TMEM120A: variants seen among roughly 807,000 people sequenced by gnomAD.
The protein encoded by TMEM120A is ion channel TACAN.
TMEM120A carries 45 observed loss-of-function variants against 54.3 expected under a neutral mutation model. The observed-to-expected ratio is 0.83, with a 90% CI of 0.65 to 1.06. The LOEUF is 1.06. Ranked by LOEUF, TMEM120A falls within the 50% of genes least tolerant of loss-of-function variation. The pLI, the probability that TMEM120A is intolerant of heterozygous loss-of-function variation, is 0.00. For synonymous variants in TMEM120A, 204 were observed against 178.5 expected (o/e 1.14, Z -1.14); for missense variants, 424 against 441.7 (o/e 0.96, Z 0.36).
At position 75,988,423 on chromosome 7, in the gene TMEM120A, G is replaced by A; in HGVS notation, c.471C>T (p.Ser157=). Residue 157 remains serine (S), a splice_region_variant and synonymous_variant, in exon 5 of 12, where the codon TCC becomes TCT. Coordinates refer to ENST00000493111, the MANE Select transcript of TMEM120A (RefSeq NM_031925.3). ...CTCGGCCGGGGTGGGACGCCCACCT[G>A]GAGTTGAGCAGGAAGCGGCAAGTGA... is the stretch of plus-strand genomic sequence containing the variant. ...ISFTCRFLLN[S]RVTDAAFNFL... 1 of 1,611,424 alleles carries A rather than the reference G, an allele frequency of 6.2e-7. No individual in the cohort carries two copies. Among genetic ancestry groups the A allele is most frequent in the Non-Finnish European group, 8.5e-7 (1 of 1,179,448 alleles).
intron 9 of TMEM120A, 45 bp from the exon 10 acceptor site, chr7:75,987,647 G>A: frequency 1.2e-6 from 2 of 1,604,448 alleles, no homozygotes; most frequent in Non-Finnish European, 1.7e-6. Context: ...GGGACAGAGG[G>A]GACGCTACCA....
chr7:75,987,464 A>G (rs1261897594), intron 10 of TMEM120A, 36 bp from the exon 11 acceptor site: 2 of 1,561,214 alleles, frequency 1.3e-6, no homozygotes, highest in Non-Finnish European at 1.7e-6. Context: ...CAGAAGACCC[A>G]GTCCCTGCTG....
At position 75,994,571 on chromosome 7, in the gene TMEM120A, G is replaced by T. The variant is rs782151204; in HGVS notation, c.-1C>A. The T allele has an allele frequency of 6.5e-7, 1 of 1,540,546 alleles. No individual in the cohort carries two copies. The highest frequency in any genetic ancestry group is 1.2e-5 in the South Asian group (1 of 83,760). On this transcript the variant is annotated 5_prime_UTR_variant, in exon 1 of 12. Coordinates refer to ENST00000493111, the MANE Select transcript of TMEM120A (RefSeq NM_031925.3). ...GCGGGCCCGGGGGCGGGGGCTGCAT[G>T]GCTGCAGCGCCAGTAGCCAGTAGTG...
chr7:75,988,448 AAGG>A lies in TMEM120A; in HGVS notation c.443_445del (p.Ser148del). 3 of 1,610,890 alleles carry A rather than the reference AAGG, an allele frequency of 1.9e-6. No homozygotes were observed. Among genetic ancestry groups the A allele is most frequent in the Non-Finnish European group, 2.5e-6 (3 of 1,179,474 alleles). On this transcript the variant is annotated inframe_deletion, in exon 5 of 12. Transcript: ENST00000493111. ...GGAGTTGAGCAGGAAGCGGCAAGTG[AAGG>A]AGATGAGGATGAGGATGATGGTGAG...
intron 8 of TMEM120A, 53 bp downstream of exon 8, chr7:75,987,870 G>GC (rs1554560369): frequency 5.0e-6 from 8 of 1,598,096 alleles, no homozygotes; most frequent in South Asian, 1.1e-5. Flanking sequence ...CCCTGCCCCT[G>GC]CCCCCCACCA....
At chr7:75,990,346 C>T (rs932956520) in intron 3 of TMEM120A, among the ~76,000 whole-genome samples, 3 of 152,120 alleles carry the variant, frequency 2.0e-5, no homozygotes, top group Non-Finnish European at 4.4e-5. Flanking sequence ...GCACTCCTCA[C>T]TCTCATCTCT....
Position 75,992,459 on chromosome 7 carries a change from C to T in TMEM120A, c.180G>A (p.Glu60=). The T allele has an allele frequency of 6.3e-7, 1 of 1,594,654 alleles. No individual in the cohort carries two copies. The highest frequency in any genetic ancestry group is 2.3e-5 in the East Asian group (1 of 43,930). ...CTAACTTCTTCAGGGCGAGGGCCAG[C>T]TCCTGGAGCCGCTTCTTCTGCCGCG... ...SITRQKKRLQ[E]LALALKKCKP... Residue 60 remains glutamate (E), a synonymous_variant, in exon 2 of 12, where the codon GAG becomes GAA. Coordinates refer to ENST00000493111, the MANE Select transcript of TMEM120A (RefSeq NM_031925.3).
At chr7:75,990,613 C>T (rs782174085) in intron 3 of TMEM120A, among the ~76,000 whole-genome samples, 4 of 152,192 alleles carry the variant, frequency 2.6e-5, no homozygotes, top group Non-Finnish European at 4.4e-5. Context: ...GGGCTGGGTG[C>T]GGTGGCTCAC....
chr7:75,991,669 G>A (rs1271826740), intron 3 of TMEM120A, among the ~76,000 whole-genome samples: 3 of 152,130 alleles, frequency 2.0e-5, no homozygotes, highest in Admixed American at 2.0e-4. Flanking sequence ...CCAAAAAAGT[G>A]CTGGGATTAC....
At chr7:75,989,295 G>A in intron 3 of TMEM120A, 71 bp from the exon 4 acceptor site, 2 of 1,060,444 alleles carry the variant, frequency 1.9e-6, no homozygotes, top group Non-Finnish European at 2.9e-6. Flanking sequence ...AGCCAAGCCT[G>A]CCAGGCCAGA....
chr7:75,993,851 G>T (rs1227550142), intron 1 of TMEM120A, among the ~76,000 whole-genome samples: 1 of 152,128 alleles, frequency 6.6e-6, no homozygotes, highest in Non-Finnish European at 1.5e-5. Context: ...GTGGCCCTGG[G>T]GAGCTCAGTC....
At chr7:75,992,090 C>T (rs1789864117) in intron 3 of TMEM120A, 54 bp downstream of exon 3, 3 of 1,328,596 alleles carry the variant, frequency 2.3e-6, no homozygotes, top group Non-Finnish European at 3.1e-6. Flanking sequence ...GAGGCAGCAC[C>T]CGGCTTCAGG....
intron 3 of TMEM120A, among the ~76,000 whole-genome samples, chr7:75,990,304 G>A (rs1460793434): frequency 6.6e-6 from 1 of 152,074 alleles, no homozygotes; most frequent in Admixed American, 6.6e-5. Context: ...CTGCTCTATG[G>A]GGAGCACTAT....
chr7:75,987,800 C>G lies in TMEM120A; in HGVS notation c.702G>C (p.Gln234His), dbSNP rs1554560334. Reference protein sequence around the residue: ...LSFSMYQSFVQFLQYYYQSGC... With the variant: ...LSFSMYQSFVHFLQYYYQSGC... ...CGCTCTGGTAGTAGTACTGGAGAAA[C>G]TGCACGAAGCCTGGGCCGGGCGGAG... Residue 234 changes from glutamine to histidine, a missense_variant, in exon 9 of 12, where the codon CAG (glutamine) becomes CAC (histidine). By Grantham distance (24) the Gln-to-His change is conservative (BLOSUM62 0). Coordinates refer to ENST00000493111, the MANE Select transcript of TMEM120A (RefSeq NM_031925.3). The G allele has an allele frequency of 6.2e-7, 1 of 1,611,886 alleles. No individual in the cohort carries two copies. The highest frequency in any genetic ancestry group is 2.2e-5 in the East Asian group (1 of 44,882).
rs566631627 is a variant in TMEM120A at position 75,987,662 on chromosome 7, G to C, written c.784+56C>G. ...GGGACAGAGGGGACGCTACCACTCA[G>C]ACCCGGGATGGGAGGAAAGGGGAAT... On this transcript the variant is annotated intron_variant, in intron 9 of 11. Coordinates refer to ENST00000493111, the MANE Select transcript of TMEM120A (RefSeq NM_031925.3). The C allele has an allele frequency of 9.3e-6, 15 of 1,605,812 alleles. No homozygotes were observed. In the East Asian group the frequency reaches 3.4e-4, roughly 36 times the overall value.
chr7:75,988,028 C>T (rs1554560470), intron 7 of TMEM120A, 44 bp from the exon 8 acceptor site: 1 of 1,593,806 alleles, frequency 6.3e-7, no homozygotes, highest in Non-Finnish European at 8.5e-7. Context: ...CTTGGGGATG[C>T]CGTGTATCCC....
chr7:75,992,382 G>A (rs2116673544), intron 2 of TMEM120A, 57 bp downstream of exon 2: 1 of 1,570,242 alleles, frequency 6.4e-7, no homozygotes, highest in East Asian at 2.3e-5. Context: ...GGGTCTCACA[G>A]CGCCAGCCCT....
rs1177592060 is a variant in TMEM120A, at chr7:75,987,376, T to C, written c.902A>G (p.Gln301Arg). 1.9e-6 allele frequency: 3 copies of C among 1,566,184 alleles called. No individual in the cohort carries two copies. Among genetic ancestry groups the C allele is most frequent in the Non-Finnish European group, 2.6e-6 (3 of 1,156,404 alleles). The change falls in exon 11 of 12, where the codon CAG (glutamine) becomes CGG (arginine). Residue 301 changes from glutamine to arginine, a missense_variant. Coordinates refer to ENST00000493111, the MANE Select transcript of TMEM120A (RefSeq NM_031925.3). ...LTLFNLAQDPQCKEWQVLMCG... is the reference protein window; with the variant it reads ...LTLFNLAQDPRCKEWQVLMCG... ...CCGGCTCACCTGCCACTCCTTGCAC[T>C]GAGGGTCCTGGGCCAGGTTGAACAA...
chr7:75,987,450 T>TACTC (rs1563438775), intron 10 of TMEM120A, 22 bp from the exon 11 acceptor site: 8 of 1,559,354 alleles, frequency 5.1e-6, no homozygotes, highest in Non-Finnish European at 6.9e-6. Flanking sequence ...GGAGGCATTT[T>TACTC]ACTCAGAAGA....
Sources: gnomAD v4.1 joint callset for allele counts (sites outside exome capture counted in the v4.1 genomes callset) on GRCh38, gnomAD v4.1.1 for gene constraint, MANE v1.5 for transcripts, NCBI Gene and HGNC (gene_info 2026-07-23, HGNC 2026-07-21) for gene names.